The following PSG6 variants were observed in gnomAD, a reference collection of about 807,000 sequenced individuals.
The protein encoded by PSG6 is pregnancy specific beta-1-glycoprotein 6.
Under a neutral mutation model 43.3 loss-of-function variants are expected in PSG6, and 51 were observed. That is an observed-to-expected ratio of 1.18 (90% CI 0.94 to 1.49). The LOEUF (loss-of-function observed/expected upper bound fraction) is 1.49. Ranked by LOEUF, PSG6 falls within the 40% of genes most tolerant of loss-of-function variation. The pLI is 0.00. For synonymous variants in PSG6, 292 were observed against 197.6 expected, an observed-to-expected ratio of 1.48 and a Z score of -4.01; for missense variants, 770 against 522.2, an observed-to-expected ratio of 1.47 and a Z score of -4.62.
At chr19:42,906,798 A>G in intron 5 of PSG6, 124 bp downstream of exon 5, 1 of 1,600,454 alleles carries the variant, frequency 6.2e-7, no homozygotes, top group South Asian at 1.1e-5. Flanking sequence ...CAGGAGGAGA[A>G]TTTGGGATTT....
At position 42,908,766 on chromosome 19, in the gene PSG6, A is replaced by G. The variant is rs1264664038; in HGVS notation, c.707-912T>C. On this transcript the variant is annotated intron_variant, in intron 3 of 5. Coordinates refer to ENST00000187910, the MANE Select transcript of PSG6 (RefSeq NM_001031850.4). ...TGATGGATATGAGACAAATTTGGAG[A>G]GAAGTTTTGCAAATATTTTCTTTCA... Among the ~76,000 whole-genome samples, 4 of 151,682 alleles carry G rather than the reference A, an allele frequency of 2.6e-5. 1 individual carries two copies. The highest frequency in any genetic ancestry group is 4.8e-5 in the African/African-American group (2 of 41,290).
At chr19:42,906,554 T>C (rs1972115355) in intron 5 of PSG6, 1 of 1,294,882 alleles carries the variant, frequency 7.7e-7, no homozygotes, top group African/African-American at 1.5e-5. Flanking sequence ...TTGTAGCTCA[T>C]GGAATAGGTA....
At chr19:42,916,083 C>T (rs777881509) in intron 2 of PSG6, 42 bp downstream of exon 2, 1 of 1,604,552 alleles carries the variant, frequency 6.2e-7, no homozygotes, top group East Asian at 2.2e-5. Context: ...GTAGAAATGA[C>T]CCCTGCCCCC....
intron 3 of PSG6, 145 bp from the exon 4 acceptor site, chr19:42,907,999 A>G (rs1309085137): frequency 2.3e-6 from 3 of 1,293,878 alleles, no homozygotes; most frequent in Non-Finnish European, 3.2e-6. Context: ...AGACAGATGT[A>G]TGATGATCTA....
intron 4 of PSG6, 51 bp downstream of exon 4, chr19:42,907,525 G>T: frequency 6.2e-7 from 1 of 1,605,472 alleles, no homozygotes; most frequent in Non-Finnish European, 8.5e-7. Flanking sequence ...GCCTCTGGTC[G>T]TTTGGAGTTA....
In PSG6 at chr19:42,907,168, C is replaced by T; in HGVS notation, c.994G>A (p.Asp332Asn). Residue 332 changes from aspartate (D) to asparagine (N), a missense_variant, in exon 5 of 6, where the codon GAC becomes AAC. Asp to Asn is a conservative substitution (Grantham distance 23). Coordinates refer to ENST00000187910, the MANE Select transcript of PSG6 (RefSeq NM_001031850.4). ...PVTLNVLYGP[D>N]LPRIYPSFTY... ...AATGAAGGGTAAATTCTGGGGAGGT[C>T]TGGACCATCTGGAGGAAAGAGAATA... is the stretch of plus-strand genomic sequence containing the variant. 6.2e-7 allele frequency: 1 copy of T among 1,611,588 alleles called. No homozygotes were observed. Among genetic ancestry groups the T allele is most frequent in the Non-Finnish European group, 8.5e-7 (1 of 1,178,566 alleles).
intron 2 of PSG6, among the ~76,000 whole-genome samples, chr19:42,912,796 C>T (rs146455719): frequency 0.023 from 3,460 of 151,672 alleles, 128 homozygotes; most frequent in Non-Finnish European, 0.033. Flanking sequence ...ACACGAAGAA[C>T]TCCAACTTAT....
chr19:42,907,817 T>A lies in PSG6; in HGVS notation c.744A>T (p.Leu248Phe). Residue 248 changes from leucine (L) to phenylalanine (F), a missense_variant, in exon 4 of 6, where the codon TTA becomes TTT. Physicochemically the swap from Leu to Phe is conservative, Grantham distance 22. Coordinates refer to ENST00000187910, the MANE Select transcript of PSG6 (RefSeq NM_001031850.4). The part of the protein sequence containing the change: ...LPMPYITINN[L>F]NPREKKDVLA... The stretch of plus-strand genomic sequence containing the variant: ...ACACATCCTTCTTCTCCCTGGGGTT[T>A]AAGTTGTTGATGGTGATGTAAGGCA... 1 of 1,611,642 alleles carries A rather than the reference T, an allele frequency of 6.2e-7. No individual in the cohort carries two copies. Among genetic ancestry groups the A allele is most frequent in the Non-Finnish European group, 8.5e-7 (1 of 1,179,076 alleles).
chr19:42,917,164 G>A (rs777781693), intron 1 of PSG6, among the ~76,000 whole-genome samples: 13 of 151,174 alleles, frequency 8.6e-5, no homozygotes, highest in Non-Finnish European at 1.9e-4. Flanking sequence ...ATCTGATATA[G>A]TCATTATTAT....
At position 42,917,817 on chromosome 19, in the gene PSG6, C is replaced by T. The variant is rs1972368203; in HGVS notation, c.-25G>A. On this transcript the variant is annotated 5_prime_UTR_variant, in exon 1 of 6. Transcript: ENST00000187910. ...TGGTCTCTGCTGTCTGTGTGTTCTCCCCTGTGGAGATGAGCCTAGGATCCA... is the reference window on the plus strand; with the variant it reads ...TGGTCTCTGCTGTCTGTGTGTTCTCTCCTGTGGAGATGAGCCTAGGATCCA... The T allele has an allele frequency of 3.1e-6, 5 of 1,604,110 alleles. No homozygotes were observed. In the East Asian group the frequency reaches 6.7e-5, roughly 22 times the overall value.
At chr19:42,906,713 G>A in intron 5 of PSG6, 1 of 1,494,536 alleles carries the variant, frequency 6.7e-7, no homozygotes, top group Non-Finnish European at 9.0e-7. Flanking sequence ...CCTTTCTCAG[G>A]CCAGACACAA....
chr19:42,904,407 G>C (rs1198482178), intron 5 of PSG6, among the ~76,000 whole-genome samples: 1 of 151,464 alleles, frequency 6.6e-6, no homozygotes, highest in Non-Finnish European at 1.5e-5. Flanking sequence ...CCTAAAGATG[G>C]AACAAACCTA....
rs946660324 is a variant in PSG6, at chr19:42,908,885, A to T, written c.707-1031T>A. ...TTGAATATGAGACGAGGCTGCTGGA[A>T]GCCAGGAGCTGGGAGTGGGGAGAAT... On this transcript the variant is annotated intron_variant, in intron 3 of 5. Coordinates refer to ENST00000187910, the MANE Select transcript of PSG6 (RefSeq NM_001031850.4). 2.8e-4 allele frequency among the ~76,000 whole-genome samples: 43 copies of T among 151,702 alleles called. 2 individuals carry two copies. The highest frequency in any genetic ancestry group is 7.9e-4 in the Admixed American group (12 of 15,176).
At chr19:42,915,604 C>G (rs10415640) in intron 2 of PSG6, 51,548 of 166,746 alleles carry the variant, frequency 0.31, 8,891 homozygotes, top group South Asian at 0.45. Context: ...GTGAACAGCT[C>G]CAGGAGACAC....
chr19:42,902,739 C>A (rs750657043), intron 5 of PSG6, among the ~76,000 whole-genome samples: 1 of 151,496 alleles, frequency 6.6e-6, no homozygotes, highest in South Asian at 2.1e-4. Flanking sequence ...CATTCCCTCA[C>A]AGGTGTCTTC....
Position 42,908,211 on chromosome 19 carries a change from C to A in PSG6, c.707-357G>T, listed in dbSNP as rs1323973115. ...TACCTGGAATGTGCAACTGCTGGGC[C>A]CCTTCCAAATTACATCCTACTTTGC... On this transcript the variant is annotated intron_variant, in intron 3 of 5. Coordinates refer to ENST00000187910, the MANE Select transcript of PSG6 (RefSeq NM_001031850.4). Among the ~76,000 whole-genome samples, 5 of 151,544 alleles carry A rather than the reference C, an allele frequency of 3.3e-5. 1 individual carries two copies. The highest frequency in any genetic ancestry group is 6.6e-5 in the Admixed American group (1 of 15,156).
rs201662216 is a variant in PSG6, at chr19:42,907,209, T to C, written c.986-33A>G. On this transcript the variant is annotated intron_variant, in intron 4 of 5. Transcript: ENST00000187910. ...AAAGAGAATAAAGCCACAGGTGATG[T>C]CATCCAAGGGAAGGGGATGCTCCTG... 1.6e-3 allele frequency: 2,575 copies of C among 1,597,830 alleles called. 76 individuals are homozygous for C. Among genetic ancestry groups the C allele is most frequent in the Non-Finnish European group, 1.1e-3 (1,305 of 1,169,946 alleles).
At chr19:42,917,213 G>A (rs1028426856) in intron 1 of PSG6, among the ~76,000 whole-genome samples, 1 of 151,298 alleles carries the variant, frequency 6.6e-6, no homozygotes, top group African/African-American at 2.4e-5. Flanking sequence ...GATTAATCAG[G>A]AAAACAGAAC....
intron 3 of PSG6, among the ~76,000 whole-genome samples, chr19:42,908,732 A>T (rs530865602): frequency 4.6e-5 from 7 of 151,912 alleles, no homozygotes; most frequent in African/African-American, 1.4e-4. Flanking sequence ...CTCATGGACC[A>T]TGTGTGTTTG....
Sources: gnomAD v4.1 joint callset for allele counts (sites outside exome capture counted in the v4.1 genomes callset) on GRCh38, gnomAD v4.1.1 for gene constraint, MANE v1.5 for transcripts, NCBI Gene and HGNC (gene_info 2026-07-23, HGNC 2026-07-21) for gene names.